Variants in FER1L5 observed in about 807,000 individuals in gnomAD.
The protein encoded by FER1L5 is fer-1-like protein 5.
FER1L5 carries 187 observed loss-of-function variants against 279.9 expected under a neutral mutation model. The observed-to-expected ratio is 0.67, with a 90% CI of 0.59 to 0.75. The LOEUF is 0.75. Among genes scored for constraint, FER1L5 ranks in the 30% least tolerant of loss-of-function variants. The pLI, the probability that FER1L5 is intolerant of heterozygous loss-of-function variation, is 0.00. For missense variants in FER1L5, 2,091 were observed against 2,594.4 expected (o/e 0.81, Z 4.21); for synonymous variants, 921 against 989.7 (o/e 0.93, Z 1.30).
rs1448705291 is a variant in FER1L5, at chr2:96,686,211, C to T, written c.2090C>T (p.Pro697Leu). Reference sequence around the variant, plus strand: ...CCTCGGCAGCCCCAGATGGGCCTCCCTGACGTGATGATTTGGCTGGTGGCC... The same window carrying T: ...CCTCGGCAGCCCCAGATGGGCCTCCTTGACGTGATGATTTGGCTGGTGGCC... Reference protein sequence around the residue: ...TVLPEPQMGLPDVMIWLVAKE... With the variant: ...TVLPEPQMGLLDVMIWLVAKE... Residue 697 changes from proline (P) to leucine (L), a missense_variant, in exon 23 of 53, where the codon CCT (proline) becomes CTT (leucine). Coordinates refer to ENST00000624922, the MANE Select transcript of FER1L5 (RefSeq NM_001293083.2). The T allele has an allele frequency of 7.7e-6, 12 of 1,551,092 alleles. No homozygotes were observed. Among genetic ancestry groups the T allele is most frequent in the South Asian group, 7.1e-5 (6 of 84,014 alleles).
Position 96,689,623 on chromosome 2 carries a change from T to C in FER1L5, c.2526-21T>C, listed in dbSNP as rs773107800. On this transcript the variant is annotated intron_variant, in intron 25 of 52. Coordinates refer to ENST00000624922, the MANE Select transcript of FER1L5 (RefSeq NM_001293083.2). The surrounding 1 kb of genome is among the most constrained non-coding windows in gnomAD (Gnocchi z 4.6). Reference sequence around the variant, plus strand: ...CTGCTTGGGGAGTTGTGCTGGGAACTTGGGGTCTCATTACCCCCAGGCTCC... The same window carrying C: ...CTGCTTGGGGAGTTGTGCTGGGAACCTGGGGTCTCATTACCCCCAGGCTCC... The C allele has an allele frequency of 1.4e-4, 223 of 1,544,450 alleles. 1 individual carries two copies. The highest frequency in any genetic ancestry group is 1.9e-4 in the Non-Finnish European group (217 of 1,141,108).
chr2:96,675,527 A>G (rs1416133447), intron 19 of FER1L5, among the ~76,000 whole-genome samples: 1 of 152,188 alleles, frequency 6.6e-6, no homozygotes, highest in Non-Finnish European at 1.5e-5. Flanking sequence ...CCCAGGTTCA[A>G]CCAATTTTCC....
intron 8 of FER1L5, chr2:96,654,210 C>T (rs1038554064): frequency 5.5e-6 from 2 of 360,866 alleles, no homozygotes; most frequent in Non-Finnish European, 9.9e-6. Context: ...TGACTTGGGG[C>T]AAGGAAATTG....
At chr2:96,655,103 C>A (rs2075547576) in intron 9 of FER1L5, among the ~76,000 whole-genome samples, 1 of 152,096 alleles carries the variant, frequency 6.6e-6, no homozygotes, top group Admixed American at 6.5e-5. Context: ...ATTCCACACT[C>A]CCATGATACT....
chr2:96,682,732 G>A (rs191982055), intron 19 of FER1L5, among the ~76,000 whole-genome samples: 1 of 152,168 alleles, frequency 6.6e-6, no homozygotes, highest in East Asian at 1.9e-4. Context: ...TTGAGACACG[G>A]TCTCACTCTG....
chr2:96,672,790 C>A (rs1168287030), intron 18 of FER1L5, among the ~76,000 whole-genome samples: 1 of 151,952 alleles, frequency 6.6e-6, no homozygotes, highest in Admixed American at 6.6e-5. Context: ...TGGGGTGGCC[C>A]AACTCAGAGC....
intron 1 of FER1L5, among the ~76,000 whole-genome samples, chr2:96,645,584 T>C (rs988657709): frequency 2.0e-5 from 3 of 152,118 alleles, no homozygotes; most frequent in Non-Finnish European, 4.4e-5. Flanking sequence ...GTCTGGGAGT[T>C]TGAGACCAGC....
chr2:96,663,625 A>G, intron 14 of FER1L5, 118 bp downstream of exon 14: 3 of 1,101,758 alleles, frequency 2.7e-6, no homozygotes, highest in Non-Finnish European at 2.7e-6. Context: ...GGCAAGGGGG[A>G]CTCTGCCTGA....
Position 96,653,243 on chromosome 2 carries a change from C to T in FER1L5, c.634-397C>T, listed in dbSNP as rs182289978. On this transcript the variant is annotated intron_variant, in intron 7 of 52. Transcript: ENST00000624922. ...AACCCTCTAGGAGCCCGGGAGGCCT[C>T]TGCTTCTGGGGGAGCATGAGAGAAG... 2.2e-3 allele frequency: 499 copies of T among 225,332 alleles called. 5 individuals are homozygous for T. Among genetic ancestry groups the T allele is most frequent in the Admixed American group, 4.7e-3 (77 of 16,284 alleles). 14.0% of individuals were successfully genotyped at this position (225,332 alleles called of 1,614,324 possible). A position where few individuals can be genotyped will look rare whatever the true frequency, so the allele number is the denominator to read the frequency against.
At chr2:96,669,016 G>A (rs191120934) in intron 16 of FER1L5, 27 bp from the exon 17 acceptor site, 38 of 1,551,548 alleles carry the variant, frequency 2.4e-5, no homozygotes, top group African/African-American at 2.1e-4. Flanking sequence ...TCCTGCGCCC[G>A]ACCCTTCTCA....
intron 5 of FER1L5, among the ~76,000 whole-genome samples, chr2:96,649,933 G>A (rs1421015157): frequency 6.6e-6 from 1 of 152,194 alleles, no homozygotes; most frequent in African/African-American, 2.4e-5. Flanking sequence ...CCAAGGGGCT[G>A]CAGAGAGACA....
intron 19 of FER1L5, among the ~76,000 whole-genome samples, chr2:96,675,092 C>T (rs1432426208): frequency 1.3e-5 from 2 of 152,208 alleles, no homozygotes; most frequent in African/African-American, 4.8e-5. Context: ...TTCTGCTCAA[C>T]ATTAAACTTT....
chr2:96,697,511 C>T lies in FER1L5; in HGVS notation c.4084-15C>T, dbSNP rs1007368012. The T allele has an allele frequency of 2.5e-6, 4 of 1,612,044 alleles. No homozygotes were observed. In the African/African-American group the frequency reaches 4.0e-5, roughly 16 times the overall value. ...TGAGCTATGGCTTTCCCTTGCTCACCCTCTCCTTTTTCAGTTCCTAGGCTA... is the reference window on the plus strand; with the variant it reads ...TGAGCTATGGCTTTCCCTTGCTCACTCTCTCCTTTTTCAGTTCCTAGGCTA... On this transcript the variant is annotated splice_polypyrimidine_tract_variant and intron_variant, in intron 37 of 52. Coordinates refer to ENST00000624922, the MANE Select transcript of FER1L5 (RefSeq NM_001293083.2).
intron 23 of FER1L5, 26 bp from the exon 24 acceptor site, chr2:96,687,790 G>T: frequency 6.5e-7 from 1 of 1,549,790 alleles, no homozygotes; most frequent in East Asian, 2.4e-5. Flanking sequence ...TAGTGCCCCT[G>T]TGGGACCGAT....
At chr2:96,699,196 C>G (rs1012095886) in intron 42 of FER1L5, 60 bp downstream of exon 42, 1 of 1,521,646 alleles carries the variant, frequency 6.6e-7, no homozygotes, top group Admixed American at 1.9e-5. Context: ...CACTGGAAGT[C>G]GGCCGGAGAA....
In FER1L5 at chr2:96,698,209, C is replaced by T; in HGVS notation, c.4356+53C>T. 1.3e-6 allele frequency: 2 copies of T among 1,521,378 alleles called. No individual in the cohort carries two copies. The highest frequency in any genetic ancestry group is 1.8e-6 in the Non-Finnish European group (2 of 1,130,238). 94.2% of individuals were successfully genotyped at this position (1,521,378 alleles called of 1,614,324 possible). A position where few individuals can be genotyped will look rare whatever the true frequency, so the allele number is the denominator to read the frequency against. On this transcript the variant is annotated intron_variant, in intron 40 of 52. Coordinates refer to ENST00000624922, the MANE Select transcript of FER1L5 (RefSeq NM_001293083.2). This position sits in a 1 kb window ranked among gnomAD's most constrained non-coding sequence, Gnocchi z 5.5. ...CCTGTCTCCTTGTGCACCTTCTGTCCCTGGAAAACGAATAAAAGCCCTGGC... is the reference window on the plus strand; with the variant it reads ...CCTGTCTCCTTGTGCACCTTCTGTCTCTGGAAAACGAATAAAAGCCCTGGC...
intron 19 of FER1L5, among the ~76,000 whole-genome samples, chr2:96,682,612 C>A (rs1378935176): frequency 1.6e-4 from 25 of 152,248 alleles, no homozygotes; most frequent in Non-Finnish European, 1.5e-5. Context: ...GCTAAAGTTT[C>A]ATTCTCCAGA....
At chr2:96,699,882 G>A in intron 43 of FER1L5, 50 bp from the exon 44 acceptor site, 1 of 1,606,138 alleles carries the variant, frequency 6.2e-7, no homozygotes, top group Non-Finnish European at 8.5e-7. Flanking sequence ...TCACAGCAGT[G>A]TTCTTCAGGA....
At position 96,686,216 on chromosome 2, in the gene FER1L5, GTGA is replaced by G; in HGVS notation, c.2100_2102del (p.Met700del). 6.4e-7 allele frequency: 1 copy of G among 1,551,270 alleles called. No individual in the cohort carries two copies. The highest frequency in any genetic ancestry group is 1.2e-5 in the South Asian group (1 of 84,024). On this transcript the variant is annotated inframe_deletion, in exon 23 of 53. Coordinates refer to ENST00000624922, the MANE Select transcript of FER1L5 (RefSeq NM_001293083.2). ...GCAGCCCCAGATGGGCCTCCCTGAC[GTGA>G]TGATTTGGCTGGTGGCCAAGGAGCA...
Sources: allele counts gnomAD v4.1 joint callset (sites outside exome capture counted in the v4.1 genomes callset), GRCh38; gene constraint gnomAD v4.1.1; non-coding constraint Gnocchi (gnomAD v3.1); transcripts MANE v1.5; gene names NCBI Gene and HGNC (gene_info 2026-07-23, HGNC 2026-07-21).